The following PSEN1 variants were observed in gnomAD, a reference collection of about 807,000 sequenced individuals.
PSEN1 encodes presenilin 1.
PSEN1 carries 15 observed loss-of-function variants against 53.5 expected under a neutral mutation model. The observed-to-expected ratio is 0.28, with a 90% CI of 0.19 to 0.43. The LOEUF (loss-of-function observed/expected upper bound fraction) is 0.43. Among genes scored for constraint, PSEN1 ranks in the 20% least tolerant of loss-of-function variants. The pLI, the probability that PSEN1 is intolerant of heterozygous loss-of-function variation, is 1.00. For synonymous variants in PSEN1, 208 were observed against 209.8 expected (o/e 0.99, Z 0.08); for missense variants, 387 against 571.2 (o/e 0.68, Z 3.29).
chr14:73,182,912 G>T (rs1021115790), intron 5 of PSEN1, among the ~76,000 whole-genome samples: 5 of 151,948 alleles, frequency 3.3e-5, no homozygotes, highest in African/African-American at 4.8e-5. Context: ...AAAAAACCGA[G>T]GTGAAAAGCA....
intron 1 of PSEN1, among the ~76,000 whole-genome samples, chr14:73,145,599 C>T (rs2140502740): frequency 6.6e-6 from 1 of 152,184 alleles, no homozygotes; most frequent in East Asian, 1.9e-4. Flanking sequence ...CTCAGCCTCC[C>T]ACAGTGCTGG....
In PSEN1 at chr14:73,163,328, A is replaced by G. The variant is rs1038419792; in HGVS notation, c.88-7469A>G. Among the ~76,000 whole-genome samples the G allele has an allele frequency of 1.9e-4, 29 of 152,344 alleles. 2 individuals carry two copies. The South Asian group carries it at 2.7e-3, about 14-fold the overall frequency. On this transcript the variant is annotated intron_variant, in intron 3 of 11. Transcript: ENST00000324501. ...CTCGATGGCTCATGCCTGTAATCCC[A>G]GCACTTCGGGAGGCCAAGGCAGGAG... is the stretch of plus-strand genomic sequence containing the variant.
intron 3 of PSEN1, chr14:73,169,309 G>T (rs535664961): frequency 6.6e-6 from 1 of 152,100 alleles, no homozygotes; most frequent in South Asian, 2.1e-4. Flanking sequence ...TAAGCTTAGG[G>T]GTTATTTACA....
chr14:73,192,397 C>T (rs1026751224), intron 6 of PSEN1, among the ~76,000 whole-genome samples: 4 of 152,080 alleles, frequency 2.6e-5, no homozygotes, highest in African/African-American at 7.2e-5. Flanking sequence ...GCCGTGATTG[C>T]ACCACTTTAC....
rs145472990 is a variant in PSEN1 at position 73,187,765 on chromosome 14, C to T, written c.548+845C>T. Among the ~76,000 whole-genome samples, 15 of 151,728 alleles carry T rather than the reference C, an allele frequency of 9.9e-5. No homozygotes were observed. In the East Asian group the frequency reaches 2.1e-3, roughly 21 times the overall value. ...ATGGTAACTCTAATACTAAGTGTTC[C>T]GAACATATAAAAAGAAAAAAAGCTT... is the stretch of plus-strand genomic sequence containing the variant. On this transcript the variant is annotated intron_variant, in intron 6 of 11. Transcript: ENST00000324501.
rs539042845 is a variant in PSEN1 at position 73,182,378 on chromosome 14, T to C, written c.481-4475T>C. Among the ~76,000 whole-genome samples, 8 of 151,984 alleles carry C rather than the reference T, an allele frequency of 5.3e-5. No homozygotes were observed. The South Asian group carries it at 1.2e-3, about 24-fold the overall frequency. On this transcript the variant is annotated intron_variant, in intron 5 of 11. Transcript: ENST00000324501. The stretch of plus-strand genomic sequence containing the variant: ...CATGGTGGTGTACCCACGCCTATAG[T>C]CCTAGGTACTAGGGAGGCTGAGGTG...
intron 7 of PSEN1, among the ~76,000 whole-genome samples, chr14:73,193,228 T>C (rs1012593706): frequency 6.6e-6 from 1 of 152,088 alleles, no homozygotes; most frequent in African/African-American, 2.4e-5. Context: ...GAGGATCGAT[T>C]GAGCCCAGGA....
rs1452382330 is a variant in PSEN1 at position 73,191,485 on chromosome 14, A to G, written c.549-1159A>G. ...TTTAAGCATAAACTTTGGGTTTCAG[A>G]TACTGTCTGGAAAAATGATTTATCT... is the stretch of plus-strand genomic sequence containing the variant. On this transcript the variant is annotated intron_variant, in intron 6 of 11. Transcript: ENST00000324501. Among the ~76,000 whole-genome samples the G allele has an allele frequency of 3.9e-5, 6 of 152,124 alleles. No homozygotes were observed. The East Asian group carries it at 1.2e-3, about 29-fold the overall frequency.
intron 1 of PSEN1, chr14:73,137,118 C>T (rs1314165271): frequency 6.5e-6 from 1 of 152,716 alleles, no homozygotes; most frequent in African/African-American, 2.4e-5. Flanking sequence ...TGCTGCTTCC[C>T]TCTCAGATTC....
intron 3 of PSEN1, among the ~76,000 whole-genome samples, chr14:73,157,431 G>T (rs374169411): frequency 6.6e-6 from 1 of 151,964 alleles, no homozygotes; most frequent in Admixed American, 6.6e-5. Flanking sequence ...GAGTCACCAC[G>T]CCCAGCCCAA....
intron 5 of PSEN1, among the ~76,000 whole-genome samples, chr14:73,186,267 T>C (rs1898506128): frequency 6.6e-6 from 1 of 151,958 alleles, no homozygotes; most frequent in Non-Finnish European, 1.5e-5. Flanking sequence ...TAATCCCAGC[T>C]ACTTGGGGGG....
At chr14:73,209,607 A>G (rs1899597868) in intron 9 of PSEN1, among the ~76,000 whole-genome samples, 1 of 152,228 alleles carries the variant, frequency 6.6e-6, no homozygotes, top group Non-Finnish European at 1.5e-5. Context: ...GGAGAGATAG[A>G]TGGTCAACAA....
chr14:73,184,135 C>T (rs1285600895), intron 5 of PSEN1, among the ~76,000 whole-genome samples: 11 of 102,272 alleles, frequency 1.1e-4, no homozygotes, highest in Non-Finnish European at 1.7e-4. Context: ...CCGGACAGGG[C>T]GGCTGGCCGG....
intron 5 of PSEN1, among the ~76,000 whole-genome samples, chr14:73,183,364 A>C (rs1340845720): frequency 6.6e-6 from 1 of 151,844 alleles, no homozygotes; most frequent in Non-Finnish European, 1.5e-5. Flanking sequence ...TGGCAGGGTC[A>C]TAGGACAATA....
At chr14:73,193,310 A>C (rs1019144416) in intron 7 of PSEN1, among the ~76,000 whole-genome samples, 2 of 151,820 alleles carry the variant, frequency 1.3e-5, no homozygotes, top group Non-Finnish European at 2.9e-5. Flanking sequence ...ACCTTGTCTC[A>C]AAAAAAATTT....
chr14:73,163,913 CATG>C (rs2140018647), intron 3 of PSEN1, among the ~76,000 whole-genome samples: 1 of 151,638 alleles, frequency 6.6e-6, no homozygotes, highest in South Asian at 2.1e-4. Context: ...AAAGGAATGA[CATG>C]ATCTCATTTT....
At chr14:73,196,964 G>C (rs1444541708) in intron 7 of PSEN1, among the ~76,000 whole-genome samples, 1 of 127,506 alleles carries the variant, frequency 7.8e-6, no homozygotes. Flanking sequence ...ACGGAGTCTC[G>C]CTGTATTGCC....
intron 7 of PSEN1, 36 bp from the exon 8 acceptor site, chr14:73,197,995 T>C: frequency 8.3e-7 from 1 of 1,197,626 alleles, no homozygotes; most frequent in Non-Finnish European, 1.2e-6. Flanking sequence ...AGCCCATACA[T>C]TTTATTAGAT....
intron 1 of PSEN1, among the ~76,000 whole-genome samples, chr14:73,140,202 CTTTTTTTTTTTTTTTTT>C (rs35223948): frequency 4.1e-5 from 3 of 73,040 alleles, no homozygotes; most frequent in African/African-American, 1.1e-4. Flanking sequence ...TTTTGCTATT[CTTTTTTTTTTTTTTTTT>C]TTTTTTTTTG....
Sources: allele counts gnomAD v4.1 joint callset (sites outside exome capture counted in the v4.1 genomes callset), GRCh38; gene constraint gnomAD v4.1.1; transcripts MANE v1.5; gene names NCBI Gene and HGNC (gene_info 2026-07-23, HGNC 2026-07-21).